KIAA1217: variants seen among roughly 807,000 people sequenced by gnomAD.
KIAA1217 encodes sickle tail protein homolog.
KIAA1217 carries 88 observed loss-of-function variants against 163.9 expected under a neutral mutation model. That is an observed-to-expected ratio of 0.54 (90% CI 0.45 to 0.64). The LOEUF (loss-of-function observed/expected upper bound fraction) is 0.64, where lower values mean the gene tolerates loss of function less well. Ranked by LOEUF, KIAA1217 falls within the 30% of genes least tolerant of loss-of-function variation. KIAA1217 has a pLI of 0.00. For missense variants in KIAA1217, 2,372 were observed against 2,475.0 expected (o/e 0.96, Z 0.88); for synonymous variants, 903 against 923.1 (o/e 0.98, Z 0.39).
At chr10:24,049,642 C>CT (rs1849338080) in intron 2 of KIAA1217, among the ~76,000 whole-genome samples, 1 of 152,020 alleles carries the variant, frequency 6.6e-6, no homozygotes, top group African/African-American at 2.4e-5. Flanking sequence ...TGAACTCATC[C>CT]TTTTTTATGG....
chr10:23,934,583 A>ATG lies in KIAA1217; in HGVS notation c.-320-72641_-320-72640insGT, dbSNP rs1554826377. On this transcript the variant is annotated intron_variant, in intron 1 of 18. Coordinates refer to the KIAA1217 transcript ENST00000376462. Reference sequence around the variant, plus strand: ...TATATATATATATATATATATATATATATATATGTATATATATATATATGT... The same window carrying ATG: ...TATATATATATATATATATATATATATGTATATATGTATATATATATATATGT... Among the ~76,000 whole-genome samples the ATG allele has an allele frequency of 4.7e-5, 3 of 64,050 alleles. No individual in the cohort carries two copies. In the African/African-American group the frequency reaches 5.1e-4, roughly 11 times the overall value. The allele number at this position is 64,050 out of a possible 152,430, so 42.0% of individuals were successfully genotyped here.
intron 2 of KIAA1217, among the ~76,000 whole-genome samples, chr10:24,160,424 C>T (rs1196658448): frequency 6.6e-6 from 1 of 151,994 alleles, no homozygotes; most frequent in East Asian, 1.9e-4. Flanking sequence ...TCTCGGTGTA[C>T]ATATAGTACA....
intron 1 of KIAA1217, among the ~76,000 whole-genome samples, chr10:23,968,330 T>C (rs1845159725): frequency 6.6e-6 from 1 of 152,202 alleles, no homozygotes; most frequent in African/African-American, 2.4e-5. Flanking sequence ...ATGAAGTTGA[T>C]GGGTATATGC....
intron 10 of KIAA1217, among the ~76,000 whole-genome samples, chr10:24,514,878 GCTA>G (rs2069803154): frequency 6.6e-6 from 1 of 151,790 alleles, no homozygotes; most frequent in South Asian, 2.1e-4. Context: ...TGTAGTCCCA[GCTA>G]CTCAGGAGGC....
intron 10 of KIAA1217, among the ~76,000 whole-genome samples, chr10:24,518,769 C>A (rs995631847): frequency 6.6e-6 from 1 of 152,164 alleles, no homozygotes. Flanking sequence ...GGAAGTTTCC[C>A]GTGGGTGTGT....
At chr10:23,849,193 AT>A (rs1471289073) in intron 1 of KIAA1217, among the ~76,000 whole-genome samples, 1 of 152,128 alleles carries the variant, frequency 6.6e-6, no homozygotes, top group African/African-American at 2.4e-5. Context: ...TATTTATAAC[AT>A]TTTATCAATG....
intron 1 of KIAA1217, among the ~76,000 whole-genome samples, chr10:24,000,844 C>G (rs1846708589): frequency 1.3e-5 from 2 of 152,216 alleles, no homozygotes; most frequent in Admixed American, 6.5e-5. Flanking sequence ...CTCCGTGGGC[C>G]TCCTGTGTGT....
At chr10:23,936,644 A>G (rs1843540723) in intron 1 of KIAA1217, among the ~76,000 whole-genome samples, 1 of 152,064 alleles carries the variant, frequency 6.6e-6, no homozygotes, top group South Asian at 2.1e-4. Flanking sequence ...CCCAGCAACC[A>G]CCAGCTCCTG....
chr10:23,989,618 A>G (rs1245193787), intron 1 of KIAA1217, among the ~76,000 whole-genome samples: 2 of 152,186 alleles, frequency 1.3e-5, no homozygotes, highest in Non-Finnish European at 2.9e-5. Context: ...CTTCGGATTA[A>G]AATACTCGAT....
intron 2 of KIAA1217, among the ~76,000 whole-genome samples, chr10:24,172,891 C>T (rs2065698288): frequency 6.6e-6 from 1 of 152,214 alleles, no homozygotes; most frequent in Non-Finnish European, 1.5e-5. Context: ...GAACTGTGGA[C>T]TGTTCCTTTG....
chr10:23,808,679 G>A (rs1836851877), intron 1 of KIAA1217, among the ~76,000 whole-genome samples: 1 of 151,916 alleles, frequency 6.6e-6, no homozygotes, highest in African/African-American at 2.4e-5. Context: ...AAGAAAAAAT[G>A]GAGGCTACAT....
chr10:24,209,122 C>T (rs2067747179), upstream of KIAA1217: 2 of 1,443,674 alleles, frequency 1.4e-6, no homozygotes, highest in South Asian at 2.3e-5. Flanking sequence ...CTCCCAGGCG[C>T]TTTCTGGGAG....
chr10:24,486,243 C>A (rs748099205), intron 6 of KIAA1217, among the ~76,000 whole-genome samples: 2 of 152,184 alleles, frequency 1.3e-5, no homozygotes, highest in African/African-American at 4.8e-5. Context: ...AAACATGAGA[C>A]CTTTCACGTC....
At chr10:24,282,578 T>G (rs1025773086) in intron 2 of KIAA1217, among the ~76,000 whole-genome samples, 22 of 152,196 alleles carry the variant, frequency 1.4e-4, no homozygotes, top group African/African-American at 5.3e-4. Flanking sequence ...GTTGCTGACA[T>G]TCATCCAGCT....
chr10:23,994,192 C>G (rs1047901834), intron 1 of KIAA1217, among the ~76,000 whole-genome samples: 5 of 152,304 alleles, frequency 3.3e-5, no homozygotes, highest in African/African-American at 1.2e-4. Context: ...CATTGACAAG[C>G]CTTTCTTGGT....
At chr10:24,366,402 G>T (rs564174998) in intron 2 of KIAA1217, among the ~76,000 whole-genome samples, 1 of 152,096 alleles carries the variant, frequency 6.6e-6, no homozygotes, top group South Asian at 2.1e-4. Context: ...CTGAGATCAC[G>T]CCACTGCACT....
chr10:23,847,290 GA>G (rs974482955), intron 1 of KIAA1217, among the ~76,000 whole-genome samples: 9 of 152,104 alleles, frequency 5.9e-5, no homozygotes, highest in Admixed American at 5.9e-4. Flanking sequence ...CTATTGATTG[GA>G]ATAGTTTCAG....
At chr10:24,304,173 G>T (rs1590782473) in intron 2 of KIAA1217, among the ~76,000 whole-genome samples, 13 of 130,904 alleles carry the variant, frequency 9.9e-5, no homozygotes, top group South Asian at 4.9e-4. Flanking sequence ...GTTTGTCATT[G>T]CTTCATCATT....
intron 1 of KIAA1217, among the ~76,000 whole-genome samples, chr10:23,852,344 T>G (rs1202803961): frequency 2.6e-5 from 4 of 152,206 alleles, no homozygotes; most frequent in Non-Finnish European, 4.4e-5. Flanking sequence ...GCGCTATTTC[T>G]GAGGGCTCTG....
Sources: allele counts gnomAD v4.1 joint callset (sites outside exome capture counted in the v4.1 genomes callset), GRCh38; gene constraint gnomAD v4.1.1; transcripts MANE v1.5; gene names NCBI Gene and HGNC (gene_info 2026-07-23, HGNC 2026-07-21).